ZNF292: variants seen among roughly 807,000 people sequenced by gnomAD.
The protein encoded by ZNF292 is zinc finger protein 292, also known as 16 zinc-finger domain protein.
A neutral mutation model predicts 217.9 loss-of-function variants in ZNF292; 26 were observed. The ratio of observed to expected loss-of-function variants is 0.12; its 90% CI spans 0.09 to 0.17. The LOEUF is 0.17. Among genes scored for constraint, ZNF292 ranks in the 10% least tolerant of loss-of-function variants. The pLI, the probability that ZNF292 is intolerant of heterozygous loss-of-function variation, is 1.00. For missense variants in ZNF292, 2,904 were observed against 3,175.2 expected, an observed-to-expected ratio of 0.91 and a Z score of 2.05; for synonymous variants, 1,257 against 1,124.1, an observed-to-expected ratio of 1.12 and a Z score of -2.37.
chr6:87,265,707 C>T lies in ZNF292; in HGVS notation c.*3906C>T, dbSNP rs995923748. 2.0e-5 allele frequency among the ~76,000 whole-genome samples: 3 copies of T among 152,168 alleles called. No homozygotes were observed. Among genetic ancestry groups the T allele is most frequent in the Admixed American group, 2.0e-4 (3 of 15,274 alleles). On this transcript the variant is annotated 3_prime_UTR_variant, in exon 8 of 8. Coordinates refer to ENST00000369577, the MANE Select transcript of ZNF292 (RefSeq NM_015021.3). Reference sequence around the variant, plus strand: ...AGAACACACTTTGGGAAATGCTGATCTCAAATGGCATTTATTCAACCAGGA... The same window carrying T: ...AGAACACACTTTGGGAAATGCTGATTTCAAATGGCATTTATTCAACCAGGA...
rs1770502131 is a variant in ZNF292, at chr6:87,155,686, T to G, written c.95T>G (p.Leu32Arg). 1 of 1,590,154 alleles carries G rather than the reference T, an allele frequency of 6.3e-7. No homozygotes were observed. ...LQRLGERLQE[L>R]ELQLRESRVP... The stretch of plus-strand genomic sequence containing the variant: ...CGCCTGGGCGAGCGGCTCCAGGAGC[T>G]GGAGCTACAGCTGCGGGAGAGCCGG... The change falls in exon 1 of 8, where the codon CTG becomes CGG. Residue 32 changes from leucine (L) to arginine (R), a missense_variant. This residue lies in a region of ZNF292 where 66 missense variants were observed against 44.1 expected (regional missense o/e 1.50). Transcript: ENST00000369577.
rs1770770842 is a variant in ZNF292, at chr6:87,162,020, G to C, written c.168+6261G>C. Among the ~76,000 whole-genome samples the C allele has an allele frequency of 2.0e-5, 3 of 152,296 alleles. No individual in the cohort carries two copies. In the South Asian group the frequency reaches 6.2e-4, roughly 32 times the overall value. On this transcript the variant is annotated intron_variant, in intron 1 of 7. Coordinates refer to ENST00000369577, the MANE Select transcript of ZNF292 (RefSeq NM_015021.3). Reference sequence around the variant, plus strand: ...TTGGCTTTCCCTATTATAGTATATAGTAATTCTAGTCTATGGCTGGGTCTA... The same window carrying C: ...TTGGCTTTCCCTATTATAGTATATACTAATTCTAGTCTATGGCTGGGTCTA...
chr6:87,257,467 G>A lies in ZNF292; in HGVS notation c.3838G>A (p.Asp1280Asn). The A allele has an allele frequency of 6.2e-7, 1 of 1,613,162 alleles. No homozygotes were observed. The highest frequency in any genetic ancestry group is 8.5e-7 in the Non-Finnish European group (1 of 1,179,594). The stretch of plus-strand genomic sequence containing the variant: ...AATGTCTCTCTTCCCTTCACCAGCA[G>A]ATAGTGGGACTAATTCTGTTTTTTC... ...SSMSLFPSPADSGTNSVFSQL... is the reference protein window; with the variant it reads ...SSMSLFPSPANSGTNSVFSQL... The change falls in exon 8 of 8, where the codon GAT becomes AAT. Residue 1280 changes from aspartate to asparagine, a missense_variant. By Grantham distance (23) the Asp-to-Asn change is conservative (BLOSUM62 1). Around this residue, in one of 15 missense-constraint regions of ZNF292, gnomAD observed 687 missense variants for 623.0 expected, o/e 1.10. Coordinates refer to ENST00000369577, the MANE Select transcript of ZNF292 (RefSeq NM_015021.3).
rs754101542 is a variant in ZNF292, at chr6:87,261,542, G to C, written c.7913G>C (p.Ser2638Thr). The change falls in exon 8 of 8, where the codon AGT becomes ACT. Residue 2638 changes from serine to threonine, a missense_variant. Ser to Thr is a moderately conservative substitution (Grantham distance 58). Transcript: ENST00000369577. Reference protein sequence around the residue: ...RKNIDKTAVTSGNHVCPCKES... With the variant: ...RKNIDKTAVTTGNHVCPCKES... ...AATATTGATAAGACTGCTGTGACTA[G>C]TGGAAATCATGTATGTCCTTGTAAA... 6 of 1,609,488 alleles carry C rather than the reference G, an allele frequency of 3.7e-6. No individual in the cohort carries two copies. The highest frequency in any genetic ancestry group is 4.2e-6 in the Non-Finnish European group (5 of 1,177,678).
At position 87,262,832 on chromosome 6, in the gene ZNF292, T is replaced by TAAA; in HGVS notation, c.*1032_*1034dup. ...GATTGGTGTATAGCTTTAAACTGTA[T>TAAA]AAAGTTTTGTGGAAAGATTTTTTTA... On this transcript the variant is annotated 3_prime_UTR_variant, in exon 8 of 8. Transcript: ENST00000369577. 6.6e-6 allele frequency: 1 copy of TAAA among 152,156 alleles called. No individual in the cohort carries two copies. Among genetic ancestry groups the TAAA allele is most frequent in the South Asian group, 2.1e-4 (1 of 4,832 alleles). The allele number at this position is 152,156 out of a possible 1,614,324, so 9.4% of individuals were successfully genotyped here.
At chr6:87,163,982 T>A (rs949467197) in intron 1 of ZNF292, among the ~76,000 whole-genome samples, 1 of 152,224 alleles carries the variant, frequency 6.6e-6, no homozygotes, top group Non-Finnish European at 1.5e-5. Flanking sequence ...CTTCTGAGTT[T>A]GAGGCATTGA....
intron 5 of ZNF292, among the ~76,000 whole-genome samples, chr6:87,239,150 A>C (rs1774068512): frequency 1.0e-5 from 1 of 99,800 alleles, no homozygotes; most frequent in Admixed American, 1.0e-4. Flanking sequence ...TCTATTCGAC[A>C]AAACCGCCAT....
At chr6:87,180,873 C>T (rs1771451112) in intron 1 of ZNF292, among the ~76,000 whole-genome samples, 1 of 152,180 alleles carries the variant, frequency 6.6e-6, no homozygotes, top group Non-Finnish European at 1.5e-5. Flanking sequence ...TTTCCTATTA[C>T]AATTAATAAT....
chr6:87,237,447 G>A (rs1453074179), intron 5 of ZNF292, among the ~76,000 whole-genome samples: 1 of 152,158 alleles, frequency 6.6e-6, no homozygotes, highest in African/African-American at 2.4e-5. Context: ...TCACTGTGTT[G>A]CTCAGGCTGG....
At chr6:87,176,063 A>G (rs1199613109) in intron 1 of ZNF292, among the ~76,000 whole-genome samples, 3 of 152,230 alleles carry the variant, frequency 2.0e-5, no homozygotes, top group Non-Finnish European at 2.9e-5. Context: ...TTTGTAGTAT[A>G]TGTGTGGTGG....
chr6:87,252,565 T>C (rs1256773792), intron 7 of ZNF292, among the ~76,000 whole-genome samples: 3 of 152,228 alleles, frequency 2.0e-5, no homozygotes, highest in East Asian at 3.8e-4. Flanking sequence ...CTGACATTAT[T>C]ATATGTGCCT....
At chr6:87,179,452 T>G (rs1771402664) in intron 1 of ZNF292, among the ~76,000 whole-genome samples, 1 of 152,254 alleles carries the variant, frequency 6.6e-6, no homozygotes, top group East Asian at 1.9e-4. Flanking sequence ...TGAGCCACTG[T>G]GCCTGGCCAA....
intron 5 of ZNF292, among the ~76,000 whole-genome samples, chr6:87,236,192 A>T (rs1256101585): frequency 1.3e-5 from 2 of 152,080 alleles, no homozygotes; most frequent in African/African-American, 4.8e-5. Flanking sequence ...GTTTCTTACA[A>T]GTATTTGAGG....
At chr6:87,201,066 G>A (rs1430589423) in intron 1 of ZNF292, among the ~76,000 whole-genome samples, 2 of 152,168 alleles carry the variant, frequency 1.3e-5, no homozygotes, top group African/African-American at 4.8e-5. Flanking sequence ...ATTTGGGAGA[G>A]AGATGATATA....
At chr6:87,227,137 C>T (rs1773398154) in intron 4 of ZNF292, among the ~76,000 whole-genome samples, 1 of 152,082 alleles carries the variant, frequency 6.6e-6, no homozygotes, top group Non-Finnish European at 1.5e-5. Flanking sequence ...AATTCTATTT[C>T]CTGAAAATGT....
At chr6:87,195,082 A>G in intron 1 of ZNF292, among the ~76,000 whole-genome samples, 1 of 152,230 alleles carries the variant, frequency 6.6e-6, no homozygotes, top group East Asian at 1.9e-4. Flanking sequence ...ATAATTTTAA[A>G]TGATAAAATC....
rs551495389 is a variant in ZNF292 at position 87,212,428 on chromosome 6, C to G, written c.169-3475C>G. 8.0e-4 allele frequency among the ~76,000 whole-genome samples: 122 copies of G among 152,282 alleles called. 1 individual carries two copies. The highest frequency in any genetic ancestry group is 1.1e-3 in the Non-Finnish European group (73 of 68,036). ...GGGGGTGGGGCTACAAGTTCCATCT[C>G]TCTAATCATGGCATGGTCTTTGTAG... is the stretch of plus-strand genomic sequence containing the variant. On this transcript the variant is annotated intron_variant, in intron 1 of 7. Coordinates refer to ENST00000369577, the MANE Select transcript of ZNF292 (RefSeq NM_015021.3).
chr6:87,212,071 A>G (rs995303940), intron 1 of ZNF292, among the ~76,000 whole-genome samples: 2 of 152,084 alleles, frequency 1.3e-5, no homozygotes, highest in Non-Finnish European at 2.9e-5. Flanking sequence ...GGTTCTCACA[A>G]CCCCCTCCTC....
In ZNF292 at chr6:87,259,932, C is replaced by T. The variant is rs773234522; in HGVS notation, c.6303C>T (p.Ser2101=). Residue 2101 remains serine (S), a synonymous_variant, in exon 8 of 8, where the codon TCC becomes TCT. Transcript: ENST00000369577. The part of the protein sequence containing the change: ...EKKRKKPVSQ[S]LEFPTRYSPY... Reference sequence around the variant, plus strand: ...AACGAAAGAAGCCAGTTTCCCAATCCCTTGAGTTTCCAACAAGATACAGTC... The same window carrying T: ...AACGAAAGAAGCCAGTTTCCCAATCTCTTGAGTTTCCAACAAGATACAGTC... 9 of 1,613,590 alleles carry T rather than the reference C, an allele frequency of 5.6e-6. No homozygotes were observed. Among genetic ancestry groups the T allele is most frequent in the Non-Finnish European group, 7.6e-6 (9 of 1,179,694 alleles).
Sources: gnomAD v4.1 joint callset for allele counts (sites outside exome capture counted in the v4.1 genomes callset) on GRCh38, gnomAD v4.1.1 for gene constraint, gnomAD v4.1.1 regional missense constraint, MANE v1.5 for transcripts, NCBI Gene and HGNC (gene_info 2026-07-23, HGNC 2026-07-21) for gene names.